The following ATP6V0A4 variants were observed in gnomAD, a reference collection of about 807,000 sequenced individuals.
The protein encoded by ATP6V0A4 is V-type proton ATPase 116 kDa subunit a 4.
A neutral mutation model predicts 107.3 loss-of-function variants in ATP6V0A4; 86 were observed. That is an observed-to-expected ratio of 0.80 (90% CI 0.67 to 0.96). ATP6V0A4 has a LOEUF of 0.96. ATP6V0A4 is among the 40% of genes least tolerant of loss of function. The probability of loss-of-function intolerance (pLI) is 0.00; values close to 1 mark genes in which losing one functional copy is unlikely to be tolerated. For missense variants in ATP6V0A4, 908 were observed against 1,045.6 expected (o/e 0.87, Z 1.81); for synonymous variants, 353 against 381.4 (o/e 0.93, Z 0.87).
intron 19 of ATP6V0A4, among the ~76,000 whole-genome samples, chr7:138,718,509 G>C (rs1804237530): frequency 7.0e-6 from 1 of 142,418 alleles, no homozygotes; most frequent in Non-Finnish European, 1.5e-5. Flanking sequence ...TGCGGAGGGA[G>C]ACGTCCAGGA....
chr7:138,711,761 T>C (rs1239002652), intron 20 of ATP6V0A4, among the ~76,000 whole-genome samples: 1 of 152,226 alleles, frequency 6.6e-6, no homozygotes, highest in Non-Finnish European at 1.5e-5. Flanking sequence ...GCTATGTTCA[T>C]TTCCTTGCAC....
rs1562925429 is a variant in ATP6V0A4, at chr7:138,706,418, G to A, written c.*206C>T. 2 of 600,158 alleles carry A rather than the reference G, an allele frequency of 3.3e-6. No individual in the cohort carries two copies. Among genetic ancestry groups the A allele is most frequent in the East Asian group, 5.9e-5 (2 of 34,168 alleles). The allele number at this position is 600,158 out of a possible 1,614,324, so 37.2% of individuals were successfully genotyped here. On this transcript the variant is annotated 3_prime_UTR_variant, in exon 22 of 22. Transcript: ENST00000310018. Reference sequence around the variant, plus strand: ...TTTGAGAATTAATACCCCACATGAAGACAATATCACTTGCCAAAGTCCTTC... The same window carrying A: ...TTTGAGAATTAATACCCCACATGAAAACAATATCACTTGCCAAAGTCCTTC...
rs148466638 is a variant in ATP6V0A4, at chr7:138,725,866, C to T, written c.2010+2895G>A. 1.4e-3 allele frequency among the ~76,000 whole-genome samples: 207 copies of T among 152,084 alleles called. 1 individual carries two copies. In the East Asian group the frequency reaches 0.035, roughly 26 times the overall value. On this transcript the variant is annotated intron_variant, in intron 18 of 21. Transcript: ENST00000310018. ...TTTCTCGATTTAAGTGCTGGTGACA[C>T]GAACGTGTTCATGCTGCGATACTTC...
chr7:138,777,343 G>A (rs931515498), intron 2 of ATP6V0A4, among the ~76,000 whole-genome samples: 3 of 151,904 alleles, frequency 2.0e-5, no homozygotes, highest in South Asian at 2.1e-4. Flanking sequence ...GGCCGGGCGC[G>A]GTGGCTCACG....
At chr7:138,740,640 C>T (rs969880170) in intron 14 of ATP6V0A4, among the ~76,000 whole-genome samples, 13 of 149,962 alleles carry the variant, frequency 8.7e-5, no homozygotes, top group Admixed American at 7.4e-4. Context: ...TGGGGTTTCA[C>T]CATGTTGGTC....
chr7:138,707,192 T>TATAATATA (rs1554385855), intron 21 of ATP6V0A4, among the ~76,000 whole-genome samples: 1 of 66,104 alleles, frequency 1.5e-5, no homozygotes, highest in Non-Finnish European at 2.5e-5. Flanking sequence ...ATATATTATA[T>TATAATATA]ATATTATATA....
At position 138,747,479 on chromosome 7, in the gene ATP6V0A4, T is replaced by C. The variant is rs1203069472; in HGVS notation, c.1266A>G (p.Ala422=). The change falls in exon 13 of 22, where the codon GCA becomes GCG. Residue 422 remains alanine, a synonymous_variant. Coordinates refer to ENST00000310018, the MANE Select transcript of ATP6V0A4 (RefSeq NM_020632.3). The stretch of plus-strand genomic sequence containing the variant: ...GTCTCTCATTCAGAATCATCCAAAG[T>C]GCAGCCAGGAGCATCACGGTTCCAT... ...CGHGTVMLLA[A]LWMILNERRL... is the part of the protein sequence containing the mutation. 2 of 1,614,144 alleles carry C rather than the reference T, an allele frequency of 1.2e-6. No homozygotes were observed. Among genetic ancestry groups the C allele is most frequent in the Admixed American group, 3.3e-5 (2 of 60,002 alleles).
Position 138,798,130 on chromosome 7 carries a change from G to C in ATP6V0A4, c.-217C>G. ...ATGCAGCGCCTCCCCGCTGCCACCC[G>C]GGCCACCCTGATCCTCAGCCTGGCC... On this transcript the variant is annotated 5_prime_UTR_variant, in exon 1 of 22. Coordinates refer to ENST00000310018, the MANE Select transcript of ATP6V0A4 (RefSeq NM_020632.3). The C allele has an allele frequency of 6.2e-7, 1 of 1,601,504 alleles. No homozygotes were observed. Among genetic ancestry groups the C allele is most frequent in the Non-Finnish European group, 8.5e-7 (1 of 1,174,712 alleles).
chr7:138,748,711 C>A (rs1184776497), intron 12 of ATP6V0A4, among the ~76,000 whole-genome samples: 12 of 152,086 alleles, frequency 7.9e-5, no homozygotes, highest in Admixed American at 7.9e-4. Flanking sequence ...CAGCCTACAC[C>A]TTTATTTTAT....
rs193167678 is a variant in ATP6V0A4, at chr7:138,730,026, G to A, written c.1909-1164C>T. ...AGCCTCCCAAGTAGCTGGGACAACC[G>A]GCATGTGCCACCACACCCGGCTAAT... On this transcript the variant is annotated intron_variant, in intron 17 of 21. Transcript: ENST00000310018. Among the ~76,000 whole-genome samples the A allele has an allele frequency of 2.7e-3, 410 of 152,296 alleles. 4 individuals are homozygous for A. Among genetic ancestry groups the A allele is most frequent in the African/African-American group, 9.2e-3 (383 of 41,554 alleles).
intron 2 of ATP6V0A4, among the ~76,000 whole-genome samples, chr7:138,777,905 C>T (rs117699731): frequency 0.019 from 2,885 of 152,240 alleles, 256 homozygotes; most frequent in Admixed American, 0.15. Context: ...AATTCAAAAT[C>T]GGAAATACTC....
intron 14 of ATP6V0A4, 129 bp from the exon 15 acceptor site, chr7:138,739,762 C>T: frequency 6.8e-7 from 1 of 1,461,640 alleles, no homozygotes; most frequent in Non-Finnish European, 9.3e-7. Flanking sequence ...TTGGTTGGTT[C>T]AATATCTACT....
chr7:138,792,201 G>A (rs6963441), intron 1 of ATP6V0A4, among the ~76,000 whole-genome samples: 11,589 of 152,090 alleles, frequency 0.076, 860 homozygotes, highest in African/African-American at 0.2. Flanking sequence ...CCAGCTACTC[G>A]GGAGGCTGAG....
intron 17 of ATP6V0A4, among the ~76,000 whole-genome samples, chr7:138,732,365 T>C (rs1391664693): frequency 1.3e-5 from 2 of 152,102 alleles, no homozygotes; most frequent in Non-Finnish European, 2.9e-5. Flanking sequence ...ACAAGAATGG[T>C]TGGAGCCACA....
chr7:138,788,185 T>C (rs912728596), intron 1 of ATP6V0A4, among the ~76,000 whole-genome samples: 1 of 152,178 alleles, frequency 6.6e-6, no homozygotes, highest in African/African-American at 2.4e-5. Context: ...GGAATATTTA[T>C]TACAAACCTG....
At chr7:138,738,802 G>A (rs908839295) in intron 15 of ATP6V0A4, among the ~76,000 whole-genome samples, 1 of 152,122 alleles carries the variant, frequency 6.6e-6, no homozygotes, top group African/African-American at 2.4e-5. Context: ...CAACGAAAAC[G>A]GAGGTCTCAG....
At chr7:138,734,411 A>T (rs1805199415) in intron 15 of ATP6V0A4, 157 bp from the exon 16 acceptor site, 2 of 673,878 alleles carry the variant, frequency 3.0e-6, no homozygotes, top group African/African-American at 3.9e-5. Context: ...GAGTCCAAAA[A>T]GGAAAAAAGG....
intron 4 of ATP6V0A4, 141 bp downstream of exon 4, chr7:138,769,032 T>G: frequency 4.2e-6 from 6 of 1,429,616 alleles, no homozygotes; most frequent in Non-Finnish European, 4.8e-6. Context: ...ACCTCCCCCA[T>G]TCCCTCCAGG....
intron 5 of ATP6V0A4, 72 bp from the exon 6 acceptor site, chr7:138,763,097 C>T (rs1032454935): frequency 5.7e-6 from 9 of 1,585,126 alleles, no homozygotes; most frequent in Non-Finnish European, 7.7e-6. Context: ...TTACCCACAA[C>T]AGATGACTAA....
Sources: allele counts gnomAD v4.1 joint callset (sites outside exome capture counted in the v4.1 genomes callset), GRCh38; gene constraint gnomAD v4.1.1; transcripts MANE v1.5; gene names NCBI Gene and HGNC (gene_info 2026-07-23, HGNC 2026-07-21).